Variants in FRMPD4 observed in about 807,000 individuals in gnomAD.
The protein encoded by FRMPD4 is FERM and PDZ domain containing 4.
A neutral mutation model predicts 94.1 loss-of-function variants in FRMPD4; 22 were observed. The ratio of observed to expected loss-of-function variants is 0.23; its 90% confidence interval spans 0.17 to 0.33. The LOEUF (loss-of-function observed/expected upper bound fraction) is 0.33. FRMPD4 is among the 10% of genes least tolerant of loss of function. The pLI, the probability that FRMPD4 is intolerant of heterozygous loss-of-function variation, is 1.00. For missense variants in FRMPD4, 1,111 were observed against 1,339.9 expected (o/e 0.83, Z 2.67); for synonymous variants, 631 against 548.6 (o/e 1.15, Z -2.10).
intron 1 of FRMPD4, among the ~76,000 whole-genome samples, chrX:12,310,363 G>C (rs2147906177): frequency 9.0e-6 from 1 of 111,029 alleles, no homozygotes; most frequent in Non-Finnish European, 1.9e-5. Context: ...CAGTTAAGGT[G>C]GGGCAGGGCA....
At chrX:11,945,060 A>T (rs1180430685) in intron 3 of FRMPD4, among the ~76,000 whole-genome samples, 1 of 111,725 alleles carries the variant, frequency 9.0e-6, no homozygotes, top group African/African-American at 3.3e-5. Context: ...TTGATGTCAG[A>T]CTCTCTGAGG....
chrX:12,404,361 G>T (rs965187718), intron 1 of FRMPD4, among the ~76,000 whole-genome samples: 32 of 111,757 alleles, frequency 2.9e-4, no homozygotes, highest in African/African-American at 1.0e-3. Flanking sequence ...TATGTTTTTT[G>T]GGGTCTTTTA....
At position 12,170,589 on chromosome X, in the gene FRMPD4, T is replaced by G. The variant is rs1487705432; in HGVS notation, c.41+31577T>G. ...ACTTTATCAAGCTGAATAGGTGACT[T>G]TTTACCACAGCTCAAAATAAAAACT... On this transcript the variant is annotated intron_variant, in intron 1 of 16. Coordinates refer to ENST00000675598, the MANE Select transcript of FRMPD4 (RefSeq NM_001368397.1). 1.2e-4 allele frequency among the ~76,000 whole-genome samples: 13 copies of G among 112,429 alleles called. No homozygotes were observed. The Admixed American group carries it at 1.2e-3, about 11-fold the overall frequency.
chrX:12,300,692 G>GA (rs886261612), intron 1 of FRMPD4, among the ~76,000 whole-genome samples: 2 of 111,854 alleles, frequency 1.8e-5, no homozygotes, highest in Admixed American at 9.4e-5. Context: ...AGAGCTGCAA[G>GA]AAAAAAAGAA....
chrX:12,683,621 G>A (rs202083593), intron 6 of FRMPD4, 34 bp downstream of exon 6: 5 of 692,783 alleles, frequency 7.2e-6, no homozygotes, highest in African/African-American at 4.2e-5. Flanking sequence ...GTGACTCAGG[G>A]AGAGTCAATG....
At chrX:12,257,896 T>C (rs1211306938) in intron 1 of FRMPD4, among the ~76,000 whole-genome samples, 1 of 110,306 alleles carries the variant, frequency 9.1e-6, no homozygotes, top group Non-Finnish European at 1.9e-5. Flanking sequence ...TCCCATTGCC[T>C]CTCACCTTCT....
chrX:12,140,535 T>G (rs1437704531), intron 1 of FRMPD4, among the ~76,000 whole-genome samples: 1 of 112,092 alleles, frequency 8.9e-6, no homozygotes, highest in Non-Finnish European at 1.9e-5. Context: ...GTTTAGAGGC[T>G]AAGTGGTACC....
At chrX:12,454,791 T>G (rs2057314085) in intron 1 of FRMPD4, among the ~76,000 whole-genome samples, 1 of 102,555 alleles carries the variant, frequency 9.8e-6, no homozygotes, top group African/African-American at 3.5e-5. Flanking sequence ...AAAGAAAGCA[T>G]GAGGTTTGGA....
intron 1 of FRMPD4, among the ~76,000 whole-genome samples, chrX:12,359,773 G>A (rs12011262): frequency 0.044 from 4,897 of 111,974 alleles, 265 homozygotes; most frequent in African/African-American, 0.14. Flanking sequence ...TGGCCACAAA[G>A]TTCCATCATT....
intron 1 of FRMPD4, among the ~76,000 whole-genome samples, chrX:12,419,279 A>G (rs1442834737): frequency 1.8e-5 from 2 of 111,559 alleles, no homozygotes; most frequent in African/African-American, 6.5e-5. Flanking sequence ...CCTGTCTCCT[A>G]TAGTACTGCA....
At chrX:12,624,913 T>C (rs1359615127) in intron 4 of FRMPD4, among the ~76,000 whole-genome samples, 1 of 109,658 alleles carries the variant, frequency 9.1e-6, no homozygotes, top group Admixed American at 9.7e-5. Context: ...AATAATAATA[T>C]ATAAGGAACA....
At position 12,075,091 on chromosome X, in the gene FRMPD4, A is replaced by C. The variant is rs1451093941; in HGVS notation, c.95+197073A>C. On this transcript the variant is annotated intron_variant, in intron 3 of 18. Coordinates refer to the FRMPD4 transcript ENST00000640291. ...AATGCCTGTTATGTTTATTTGGAGT[A>C]TTACAAATAATTTTAGGAGGAGGGA... 5.3e-5 allele frequency among the ~76,000 whole-genome samples: 6 copies of C among 112,360 alleles called. No individual in the cohort carries two copies. In the Admixed American group the frequency reaches 5.7e-4, roughly 11 times the overall value.
chrX:12,552,588 GTTTCC>G (rs963933802), intron 2 of FRMPD4, among the ~76,000 whole-genome samples: 1 of 111,850 alleles, frequency 8.9e-6, no homozygotes. Context: ...CACTTGAAAT[GTTTCC>G]TTTCTTTATA....
At chrX:12,232,915 C>G (rs1289043556) in intron 1 of FRMPD4, among the ~76,000 whole-genome samples, 1 of 112,010 alleles carries the variant, frequency 8.9e-6, no homozygotes, top group African/African-American at 3.2e-5. Context: ...GAAGTAAGTA[C>G]AGGATTCTTT....
Position 12,292,680 on chromosome X carries a change from C to T in FRMPD4, c.41+153668C>T, listed in dbSNP as rs1378175483. Among the ~76,000 whole-genome samples, 4 of 111,763 alleles carry T rather than the reference C, an allele frequency of 3.6e-5. No homozygotes were observed. In the East Asian group the frequency reaches 1.1e-3, roughly 31 times the overall value. ...AATTGAGGTCAGATACTTCAGGATC[C>T]TCATCCAGTATTTTTCAAACTGGTT... is the stretch of plus-strand genomic sequence containing the variant. On this transcript the variant is annotated intron_variant, in intron 1 of 16. Coordinates refer to ENST00000675598, the MANE Select transcript of FRMPD4 (RefSeq NM_001368397.1).
intron 1 of FRMPD4, among the ~76,000 whole-genome samples, chrX:12,170,813 C>A (rs187615586): frequency 8.9e-6 from 1 of 112,873 alleles, no homozygotes; most frequent in Non-Finnish European, 1.9e-5. Context: ...TCATCTCTCT[C>A]CTCTTTCCTG....
At chrX:12,153,407 A>G (rs1166087507) in intron 1 of FRMPD4, among the ~76,000 whole-genome samples, 1 of 111,727 alleles carries the variant, frequency 9.0e-6, no homozygotes, top group Non-Finnish European at 1.9e-5. Context: ...TGATGCCATT[A>G]GTTCATAATT....
At chrX:11,833,091 T>G (rs1224499817) in intron 1 of FRMPD4, among the ~76,000 whole-genome samples, 1 of 112,275 alleles carries the variant, frequency 8.9e-6, no homozygotes, top group African/African-American at 3.2e-5. Context: ...AATAATACAG[T>G]ATGTAGACTT....
intron 1 of FRMPD4, among the ~76,000 whole-genome samples, chrX:12,489,814 C>T (rs1483870194): frequency 8.9e-6 from 1 of 112,043 alleles, no homozygotes; most frequent in African/African-American, 3.2e-5. Context: ...AATTTCCCAG[C>T]ATGAACTCCT....
Sources: allele counts gnomAD v4.1 joint callset (sites outside exome capture counted in the v4.1 genomes callset), GRCh38; gene constraint gnomAD v4.1.1; transcripts MANE v1.5; gene names NCBI Gene and HGNC (gene_info 2026-07-23, HGNC 2026-07-21).